PGBD2: variants seen among roughly 807,000 people sequenced by gnomAD.
PGBD2 encodes piggyBac transposable element-derived protein 2.
PGBD2 carries 6 observed loss-of-function variants against 8.1 expected under a neutral mutation model. The ratio of observed to expected loss-of-function variants is 0.74; its 90% CI spans 0.40 to 1.46. PGBD2 has a LOEUF of 1.46. PGBD2 is among the 40% of genes most tolerant of loss of function. The pLI, the probability that PGBD2 is intolerant of heterozygous loss-of-function variation, is 0.02. For synonymous variants in PGBD2, 318 were observed against 272.2 expected (o/e 1.17, Z -1.66); for missense variants, 802 against 739.0 (o/e 1.09, Z -0.99).
Position 248,917,135 on chromosome 1 carries a change from G to A in PGBD2, c.551G>A (p.Gly184Asp), listed in dbSNP as rs200756952. ...LTAQELKCVLGILILSGYISY... is the reference protein window; with the variant it reads ...LTAQELKCVLDILILSGYISY... ...GCTCAGGAATTGAAGTGTGTTTTGG[G>A]CATTTTGATTTTAAGTGGGTACATC... Residue 184 changes from glycine (G) to aspartate (D), a missense_variant, in exon 3 of 3, where the codon GGC (glycine) becomes GAC (aspartate). Physicochemically the swap from Gly to Asp is moderately conservative, Grantham distance 94. Transcript: ENST00000329291. 5 of 1,613,990 alleles carry A rather than the reference G, an allele frequency of 3.1e-6. No individual in the cohort carries two copies. The highest frequency in any genetic ancestry group is 4.2e-6 in the Non-Finnish European group (5 of 1,180,040).
At chr1:248,914,038 A>G (rs113213484) in intron 2 of PGBD2, among the ~76,000 whole-genome samples, 159 bp downstream of exon 2, 293 of 152,330 alleles carry the variant, frequency 1.9e-3, no homozygotes, top group African/African-American at 6.6e-3. Context: ...GAAGAATGGG[A>G]AAAATGGGAA....
chr1:248,881,098 A>C, the PGBD2 span, among the ~76,000 whole-genome samples: 1,435 of 152,252 alleles, frequency 9.4e-3, 5 homozygotes, highest in Non-Finnish European at 0.015. Context: ...TGAGAGCCCA[A>C]ACATCCCGTG....
rs367674534 is a variant in PGBD2 at position 248,917,008 on chromosome 1, G to T, written c.424G>T (p.Val142Leu). 6.2e-7 allele frequency: 1 copy of T among 1,613,742 alleles called. No individual in the cohort carries two copies. Among genetic ancestry groups the T allele is most frequent in the Non-Finnish European group, 8.5e-7 (1 of 1,179,962 alleles). ...TCTGAAAAGCCAAGAGCTGAGTCCC[G>T]TGGGCCTTTTTGAGTTGTTTTTTGA... ...EDLKSQELSPVGLFELFFDEG... is the reference protein window; with the variant it reads ...EDLKSQELSPLGLFELFFDEG... The change falls in exon 3 of 3, where the codon GTG (valine) becomes TTG (leucine). Residue 142 changes from valine to leucine, a missense_variant. Transcript: ENST00000329291.
At chr1:248,924,405 A>T (rs576827358), downstream of PGBD2, among the ~76,000 whole-genome samples, 1 of 152,164 alleles carries the variant, frequency 6.6e-6, no homozygotes, top group Non-Finnish European at 1.5e-5. Context: ...CAGCCAATTA[A>T]CTTGTATCTA....
chr1:248,922,642 G>A (rs1421064367), downstream of PGBD2, among the ~76,000 whole-genome samples: 1 of 152,104 alleles, frequency 6.6e-6, no homozygotes, highest in Non-Finnish European at 1.5e-5. Context: ...TCAATACCTA[G>A]TTTATTGAGA....
At chr1:248,882,787 A>G in the PGBD2 span, among the ~76,000 whole-genome samples, 3 of 152,244 alleles carry the variant, frequency 2.0e-5, no homozygotes, top group Admixed American at 6.5e-5. Flanking sequence ...GGGGAAGCAC[A>G]TCATGCACTG....
intron 1 of PGBD2, among the ~76,000 whole-genome samples, chr1:248,910,928 G>T (rs1314355525): frequency 6.6e-6 from 1 of 151,926 alleles, no homozygotes; most frequent in Non-Finnish European, 1.5e-5. Flanking sequence ...ATGAGTTTCG[G>T]CATGTGACCA....
chr1:248,874,228 C>T, the PGBD2 span, among the ~76,000 whole-genome samples: 1 of 152,172 alleles, frequency 6.6e-6, no homozygotes, highest in Non-Finnish European at 1.5e-5. Context: ...TAGCATATTG[C>T]TAAATGACGC....
the PGBD2 span, among the ~76,000 whole-genome samples, chr1:248,898,253 C>T: frequency 6.6e-6 from 1 of 152,168 alleles, no homozygotes; most frequent in African/African-American, 2.4e-5. Flanking sequence ...TCAAGCAGGT[C>T]CCCCCAATCC....
At chr1:248,880,812 T>A in the PGBD2 span, among the ~76,000 whole-genome samples, 1 of 152,228 alleles carries the variant, frequency 6.6e-6, no homozygotes, top group African/African-American at 2.4e-5. Context: ...ATCGGACTCC[T>A]AAAAATTTGC....
downstream of PGBD2, among the ~76,000 whole-genome samples, chr1:248,921,335 G>A (rs778747528): frequency 1.3e-5 from 2 of 152,114 alleles, no homozygotes; most frequent in Non-Finnish European, 2.9e-5. Context: ...TAAGGAAGGG[G>A]TCCAGTTTCA....
intron 1 of PGBD2, chr1:248,912,745 ATCT>A (rs1267621909): frequency 2.6e-5 from 4 of 151,734 alleles, no homozygotes; most frequent in Non-Finnish European, 5.9e-5. Context: ...GGCTATGCTA[ATCT>A]TCTCAGTATT....
downstream of PGBD2, among the ~76,000 whole-genome samples, chr1:248,922,116 G>A (rs1302224193): frequency 5.3e-5 from 8 of 150,160 alleles, no homozygotes; most frequent in South Asian, 1.0e-3. Context: ...CTGGAGTGCA[G>A]TGGCACGATC....
At chr1:248,876,296 C>A in the PGBD2 span, among the ~76,000 whole-genome samples, 1 of 152,212 alleles carries the variant, frequency 6.6e-6, no homozygotes, top group Non-Finnish European at 1.5e-5. Context: ...GCGTGAGCCA[C>A]CGAGCCTGGC....
chr1:248,891,062 G>A, the PGBD2 span, among the ~76,000 whole-genome samples: 37 of 152,054 alleles, frequency 2.4e-4, no homozygotes, highest in African/African-American at 8.9e-4. Context: ...AATCACTCAC[G>A]CACTGACGCA....
the PGBD2 span, among the ~76,000 whole-genome samples, chr1:248,875,410 T>C: frequency 2.0e-5 from 3 of 151,986 alleles, no homozygotes; most frequent in Non-Finnish European, 4.4e-5. Context: ...TTACTCCATG[T>C]CACACCTAAG....
Position 248,916,692 on chromosome 1 carries a change from C to A in PGBD2, c.108C>A (p.Asn36Lys). ...ATGCTATGGAGGAGGAAGAGTCCAA[C>A]AACAACAGGGAAGAGATTTTCATTG... ...VLNAMEEEESNNNREEIFIAP... is the reference protein window; with the variant it reads ...VLNAMEEEESKNNREEIFIAP... The change falls in exon 3 of 3, where the codon AAC (asparagine) becomes AAA (lysine). Residue 36 changes from asparagine to lysine, a missense_variant. Asn to Lys is a moderately conservative substitution (Grantham distance 94). Coordinates refer to ENST00000329291, the MANE Select transcript of PGBD2 (RefSeq NM_170725.3). 6.2e-7 allele frequency: 1 copy of A among 1,614,098 alleles called. No homozygotes were observed. Among genetic ancestry groups the A allele is most frequent in the Non-Finnish European group, 8.5e-7 (1 of 1,180,026 alleles).
At chr1:248,927,054 T>G in the PGBD2 span, among the ~76,000 whole-genome samples, 1 of 152,074 alleles carries the variant, frequency 6.6e-6, no homozygotes, top group Non-Finnish European at 1.5e-5. Flanking sequence ...TTTGGTGATA[T>G]ATGGCACAGA....
In PGBD2 at chr1:248,906,277, G is replaced by T. The variant is rs999119485; in HGVS notation, c.-113G>T. The stretch of plus-strand genomic sequence containing the variant: ...GACGCCCGACGCCAACGCAGGCGCA[G>T]CGCTCCGATTCGGCGCGGCTCATGG... On this transcript the variant is annotated 5_prime_UTR_variant, in exon 1 of 3. Coordinates refer to ENST00000329291, the MANE Select transcript of PGBD2 (RefSeq NM_170725.3). The T allele has an allele frequency of 6.6e-6, 1 of 152,060 alleles. No individual in the cohort carries two copies. The highest frequency in any genetic ancestry group is 2.4e-5 in the African/African-American group (1 of 41,410). The allele number at this position is 152,060 out of a possible 1,614,324, so 9.4% of individuals were successfully genotyped here. A position where few individuals can be genotyped will look rare whatever the true frequency, so the allele number is the denominator to read the frequency against.
Sources: gnomAD v4.1 joint callset for allele counts (sites outside exome capture counted in the v4.1 genomes callset) on GRCh38, gnomAD v4.1.1 for gene constraint, MANE v1.5 for transcripts, NCBI Gene and HGNC (gene_info 2026-07-23, HGNC 2026-07-21) for gene names.